Variants in ZDHHC17 observed in about 807,000 individuals in gnomAD.
The protein encoded by ZDHHC17 is palmitoyltransferase ZDHHC17.
A neutral mutation model predicts 90.3 loss-of-function variants in ZDHHC17; 40 were observed. The ratio of observed to expected loss-of-function variants is 0.44; its 90% confidence interval spans 0.34 to 0.58. ZDHHC17 has a LOEUF of 0.58. Among genes scored for constraint, ZDHHC17 ranks in the 20% least tolerant of loss-of-function variants. The pLI is 0.01. For synonymous variants in ZDHHC17, 235 were observed against 252.4 expected (o/e 0.93, Z 0.65); for missense variants, 614 against 780.8 (o/e 0.79, Z 2.55).
In ZDHHC17 at chr12:76,764,132, A is replaced by G; in HGVS notation, c.-105A>G. ...GAGGGGGCGTCACGGGGGCAGGAGA[A>G]GAAGGAGGAGGAGGCCCGCGTCGCC... On this transcript the variant is annotated 5_prime_UTR_variant, in exon 1 of 17. Transcript: ENST00000426126. The G allele has an allele frequency of 1.2e-6, 1 of 853,606 alleles. No individual in the cohort carries two copies. The highest frequency in any genetic ancestry group is 1.8e-6 in the Non-Finnish European group (1 of 560,696). 52.9% of individuals were successfully genotyped at this position (853,606 alleles called of 1,614,324 possible).
At position 76,831,671 on chromosome 12, in the gene ZDHHC17, G is replaced by T. The variant is rs116966075; in HGVS notation, c.1141+3181G>T. The stretch of plus-strand genomic sequence containing the variant: ...GGCCTGTGGTTTTTTTTGAGACATC[G>T]TCTCACTGTGTCACACCCAGACTGG... On this transcript the variant is annotated intron_variant, in intron 10 of 16. Coordinates refer to ENST00000426126, the MANE Select transcript of ZDHHC17 (RefSeq NM_015336.4). Among the ~76,000 whole-genome samples the T allele has an allele frequency of 1.1e-4, 17 of 151,966 alleles. No homozygotes were observed. In the East Asian group the frequency reaches 1.4e-3, roughly 12 times the overall value.
chr12:76,817,894 T>C (rs992168884), intron 7 of ZDHHC17, among the ~76,000 whole-genome samples: 3 of 152,184 alleles, frequency 2.0e-5, no homozygotes, highest in African/African-American at 7.2e-5. Flanking sequence ...AACAATGAAA[T>C]AGAATGTAAC....
At chr12:76,764,636 G>C in intron 1 of ZDHHC17, 1 of 538,700 alleles carries the variant, frequency 1.9e-6, no homozygotes, top group South Asian at 1.8e-5. Flanking sequence ...GAGGGGCCTG[G>C]TGTGGTTTTT....
At chr12:76,819,023 A>G (rs1953126456) in intron 7 of ZDHHC17, among the ~76,000 whole-genome samples, 1 of 152,216 alleles carries the variant, frequency 6.6e-6, no homozygotes, top group African/African-American at 2.4e-5. Flanking sequence ...AGAGGTAGAG[A>G]GAAATGACTG....
intron 16 of ZDHHC17, 174 bp downstream of exon 16, chr12:76,849,644 A>G (rs761377756): frequency 1.9e-5 from 9 of 461,676 alleles, no homozygotes; most frequent in East Asian, 4.0e-5. Context: ...CATTAACTGT[A>G]TATAATAAAG....
chr12:76,823,912 T>C (rs1209060575), intron 8 of ZDHHC17, among the ~76,000 whole-genome samples: 1 of 152,150 alleles, frequency 6.6e-6, no homozygotes, highest in Admixed American at 6.6e-5. Flanking sequence ...AAATGATTTA[T>C]TTTGTGTTGC....
intron 9 of ZDHHC17, 134 bp downstream of exon 9, chr12:76,827,184 A>G: frequency 1.0e-6 from 1 of 981,970 alleles, no homozygotes; most frequent in South Asian, 2.8e-5. Flanking sequence ...TCTGTATGTG[A>G]AATATGAGAT....
intron 7 of ZDHHC17, among the ~76,000 whole-genome samples, chr12:76,818,208 C>G (rs1469935343): frequency 6.6e-6 from 1 of 152,164 alleles, no homozygotes; most frequent in Non-Finnish European, 1.5e-5. Flanking sequence ...TGTATCTACA[C>G]TGGTGACAAA....
chr12:76,842,878 T>C, intron 11 of ZDHHC17, 41 bp from the exon 12 acceptor site: 1 of 1,465,234 alleles, frequency 6.8e-7, no homozygotes, highest in South Asian at 1.2e-5. Flanking sequence ...TTGGTGAGCA[T>C]TGTTCAGTTT....
intron 1 of ZDHHC17, among the ~76,000 whole-genome samples, chr12:76,785,293 C>T (rs537338177): frequency 6.6e-6 from 1 of 152,224 alleles, no homozygotes; most frequent in Middle Eastern, 3.4e-3. Flanking sequence ...ACAAAAGTGT[C>T]TTGAACTTGA....
In ZDHHC17 at chr12:76,842,930, A is replaced by G. The variant is rs1397630820; in HGVS notation, c.1278A>G (p.Glu426=). Reference sequence around the variant, plus strand: ...TTTTTAATTCACAGACAATAGTTGAACTTGCAGAGACAGGAAGTCTGGACC... The same window carrying G: ...TTTTTAATTCACAGACAATAGTTGAGCTTGCAGAGACAGGAAGTCTGGACC... ...TEEQKKKTIV[E]LAETGSLDLS... Residue 426 remains glutamate (E), a synonymous_variant, in exon 12 of 17, where the codon GAA becomes GAG. Transcript: ENST00000426126. 6 of 1,609,788 alleles carry G rather than the reference A, an allele frequency of 3.7e-6. No homozygotes were observed. Among genetic ancestry groups the G allele is most frequent in the Non-Finnish European group, 4.2e-6 (5 of 1,177,552 alleles).
chr12:76,796,358 A>C (rs1237418915), intron 1 of ZDHHC17, among the ~76,000 whole-genome samples: 2 of 152,148 alleles, frequency 1.3e-5, no homozygotes, highest in Non-Finnish European at 2.9e-5. Context: ...TTCAGTTTTT[A>C]TATAAAAGAA....
chr12:76,801,698 T>A (rs1952893505), intron 2 of ZDHHC17, among the ~76,000 whole-genome samples: 1 of 152,150 alleles, frequency 6.6e-6, no homozygotes, highest in Non-Finnish European at 1.5e-5. Flanking sequence ...TAATTTGAAT[T>A]TATGTTACTG....
At chr12:76,797,079 A>G (rs997875269) in intron 1 of ZDHHC17, among the ~76,000 whole-genome samples, 9 of 152,000 alleles carry the variant, frequency 5.9e-5, no homozygotes, top group African/African-American at 2.2e-4. Context: ...CCTGGCTAAC[A>G]TGGTGAAACC....
chr12:76,836,355 T>A lies in ZDHHC17; in HGVS notation c.1142-5627T>A, dbSNP rs142426707. 3.3e-3 allele frequency among the ~76,000 whole-genome samples: 507 copies of A among 152,024 alleles called. 5 individuals carry two copies. Among genetic ancestry groups the A allele is most frequent in the African/African-American group, 0.012 (479 of 41,528 alleles). The stretch of plus-strand genomic sequence containing the variant: ...GACTCAATTGTATATATATATATAT[T>A]TTAGTGATTTGTCCATTTCTTTTCT... On this transcript the variant is annotated intron_variant, in intron 10 of 16. Coordinates refer to ENST00000426126, the MANE Select transcript of ZDHHC17 (RefSeq NM_015336.4).
rs565265268 is a variant in ZDHHC17, at chr12:76,800,471, G to GT, written c.197+2937dup. Among the ~76,000 whole-genome samples the GT allele has an allele frequency of 1.1e-4, 17 of 152,242 alleles. No homozygotes were observed. In the South Asian group the frequency reaches 3.3e-3, roughly 30 times the overall value. ...TCTAGCTCTTACTGTAGAACTATCT[G>GT]TTTCTCTCTTCAGTTCTGTCAATTT... On this transcript the variant is annotated intron_variant, in intron 2 of 16. Coordinates refer to ENST00000426126, the MANE Select transcript of ZDHHC17 (RefSeq NM_015336.4).
Position 76,799,051 on chromosome 12 carries a change from C to G in ZDHHC17, c.197+1514C>G, listed in dbSNP as rs181256051. ...ACTCGGAAGGCTGAGGTGGGAGGAC[C>G]GCTTGTGCCTGAGAATTCGAGGCTG... On this transcript the variant is annotated intron_variant, in intron 2 of 16. Coordinates refer to ENST00000426126, the MANE Select transcript of ZDHHC17 (RefSeq NM_015336.4). Among the ~76,000 whole-genome samples, 28 of 152,188 alleles carry G rather than the reference C, an allele frequency of 1.8e-4. No homozygotes were observed. The East Asian group carries it at 5.0e-3, about 27-fold the overall frequency.
chr12:76,802,265 T>C (rs2137752673), intron 2 of ZDHHC17, among the ~76,000 whole-genome samples: 1 of 152,360 alleles, frequency 6.6e-6, no homozygotes, highest in Admixed American at 6.5e-5. Flanking sequence ...TTTGGATATG[T>C]CAGCCTGTTA....
Position 76,788,087 on chromosome 12 carries a change from T to TA in ZDHHC17, c.94-9340dup, listed in dbSNP as rs1394916386. Among the ~76,000 whole-genome samples the TA allele has an allele frequency of 8.5e-5, 13 of 152,184 alleles. No homozygotes were observed. The South Asian group carries it at 1.9e-3, about 22-fold the overall frequency. ...GGCAACATAGTGAGACCCTGTCCCT[T>TA]AAAAAAATGTTAGTAGTTATGCTAC... On this transcript the variant is annotated intron_variant, in intron 1 of 16. Transcript: ENST00000426126.
Sources: allele counts gnomAD v4.1 joint callset (sites outside exome capture counted in the v4.1 genomes callset), GRCh38; gene constraint gnomAD v4.1.1; transcripts MANE v1.5; gene names NCBI Gene and HGNC (gene_info 2026-07-23, HGNC 2026-07-21).